The following MVB12B variants were observed in gnomAD, a reference collection of about 807,000 sequenced individuals.
The protein encoded by MVB12B is multivesicular body subunit 12B, also known as ESCRT-I complex subunit MVB12B.
MVB12B carries 16 observed loss-of-function variants against 41.6 expected under a neutral mutation model. The observed-to-expected ratio is 0.38, with a 90% CI of 0.26 to 0.58. The LOEUF is 0.58. Among genes scored for constraint, MVB12B ranks in the 20% least tolerant of loss-of-function variants. MVB12B has a pLI of 0.62. For synonymous variants in MVB12B, 133 were observed against 139.7 expected, an observed-to-expected ratio of 0.95 and a Z score of 0.34; for missense variants, 274 against 380.2, an observed-to-expected ratio of 0.72 and a Z score of 2.32.
intron 2 of MVB12B, among the ~76,000 whole-genome samples, chr9:126,361,757 AC>A (rs1357955325): frequency 6.6e-6 from 1 of 152,104 alleles, no homozygotes; most frequent in Non-Finnish European, 1.5e-5. Context: ...TGCTACAAAT[AC>A]AAAAAATTAG....
chr9:126,355,945 C>T (rs1203551466), intron 2 of MVB12B, among the ~76,000 whole-genome samples: 1 of 152,156 alleles, frequency 6.6e-6, no homozygotes, highest in Non-Finnish European at 1.5e-5. Flanking sequence ...GCTCCTCATT[C>T]TCCCTTCGCT....
At chr9:126,455,139 G>A (rs1375469940) in intron 7 of MVB12B, among the ~76,000 whole-genome samples, 2 of 152,126 alleles carry the variant, frequency 1.3e-5, no homozygotes, top group African/African-American at 2.4e-5. Flanking sequence ...AAGACCCTGC[G>A]AGCTGGCTAG....
chr9:126,457,081 C>T (rs1207282394), intron 7 of MVB12B, among the ~76,000 whole-genome samples: 1 of 152,198 alleles, frequency 6.6e-6, no homozygotes, highest in Non-Finnish European at 1.5e-5. Context: ...CTCATTTCCA[C>T]ATCGCATGTG....
chr9:126,500,843 C>T (rs1417626788), intron 9 of MVB12B, among the ~76,000 whole-genome samples: 5 of 152,240 alleles, frequency 3.3e-5, no homozygotes, highest in Non-Finnish European at 7.3e-5. Flanking sequence ...GTGAATGCCC[C>T]CTGCCCCGCG....
chr9:126,492,667 C>T (rs1833757203), intron 9 of MVB12B, among the ~76,000 whole-genome samples: 1 of 152,126 alleles, frequency 6.6e-6, no homozygotes, highest in Non-Finnish European at 1.5e-5. Flanking sequence ...CATAGCACCA[C>T]CCCATCGCTA....
At chr9:126,460,540 C>A (rs939837598) in intron 7 of MVB12B, among the ~76,000 whole-genome samples, 6 of 152,136 alleles carry the variant, frequency 3.9e-5, no homozygotes, top group East Asian at 1.9e-4. Context: ...CTTTCTCTAT[C>A]CCCTGTGTAG....
rs186480398 is a variant in MVB12B, at chr9:126,503,487, G to A, written c.*224G>A. 5.3e-4 allele frequency: 311 copies of A among 588,948 alleles called. 1 individual carries two copies. The highest frequency in any genetic ancestry group is 3.7e-3 in the African/African-American group (198 of 53,746). 36.5% of individuals were successfully genotyped at this position (588,948 alleles called of 1,614,324 possible). A position where few individuals can be genotyped will look rare whatever the true frequency, so the allele number is the denominator to read the frequency against. ...CATTGTTCATAACCATGACTAATCT[G>A]TGTGTGCTGTAGTGACCAGCGGCTC... On this transcript the variant is annotated 3_prime_UTR_variant, in exon 10 of 10. Transcript: ENST00000361171.
intron 2 of MVB12B, among the ~76,000 whole-genome samples, chr9:126,352,232 C>T (rs1829771885): frequency 6.6e-6 from 1 of 152,012 alleles, no homozygotes. Flanking sequence ...CTTGGTAATA[C>T]TAGATTCATA....
intron 6 of MVB12B, among the ~76,000 whole-genome samples, chr9:126,398,184 C>T (rs1316417252): frequency 1.3e-5 from 2 of 151,888 alleles, no homozygotes; most frequent in Admixed American, 6.6e-5. Flanking sequence ...TGGGCTGGGC[C>T]TGTGCTGGGT....
chr9:126,381,677 A>T (rs891882439), intron 3 of MVB12B, among the ~76,000 whole-genome samples: 12 of 147,498 alleles, frequency 8.1e-5, no homozygotes, highest in East Asian at 2.0e-4. Context: ...CTATGCTTTT[A>T]AAAAAAAAAA....
At position 126,480,589 on chromosome 9, in the gene MVB12B, C is replaced by T. The variant is rs946915628; in HGVS notation, c.758-780C>T. 2.6e-5 allele frequency among the ~76,000 whole-genome samples: 4 copies of T among 152,146 alleles called. No individual in the cohort carries two copies. Among genetic ancestry groups the T allele is most frequent in the Admixed American group, 6.5e-5 (1 of 15,278 alleles). On this transcript the variant is annotated intron_variant, in intron 7 of 9. Transcript: ENST00000361171. This position sits in a 1 kb window ranked among gnomAD's most constrained non-coding sequence, Gnocchi z 4.9. ...CAGGCCCCTGGTTTCTCCATCGTTG[C>T]GTCCCCGTTCCATGCCCTTTTTCTC...
chr9:126,451,878 C>T (rs182625179), intron 7 of MVB12B, among the ~76,000 whole-genome samples: 2 of 152,332 alleles, frequency 1.3e-5, no homozygotes, highest in African/African-American at 4.8e-5. Flanking sequence ...AGCCGTGTGA[C>T]TGATCCCAAG....
intron 1 of MVB12B, among the ~76,000 whole-genome samples, chr9:126,331,591 T>G (rs577266175): frequency 7.9e-5 from 12 of 152,346 alleles, no homozygotes; most frequent in Admixed American, 2.6e-4. Context: ...TTGATTGCCT[T>G]TTGCTGCAAA....
chr9:126,429,838 G>C (rs1420566677), intron 7 of MVB12B, among the ~76,000 whole-genome samples: 1 of 152,184 alleles, frequency 6.6e-6, no homozygotes, highest in Non-Finnish European at 1.5e-5. Flanking sequence ...TGCAGTGCGA[G>C]TGCCTCCTCC....
At chr9:126,341,557 C>G (rs765110353) in intron 2 of MVB12B, among the ~76,000 whole-genome samples, 1 of 152,234 alleles carries the variant, frequency 6.6e-6, no homozygotes, top group Non-Finnish European at 1.5e-5. Flanking sequence ...AGAATAGTCT[C>G]TGATGTCCTG....
chr9:126,347,218 G>T (rs541170705), intron 2 of MVB12B, among the ~76,000 whole-genome samples: 31 of 152,350 alleles, frequency 2.0e-4, no homozygotes, highest in Admixed American at 5.2e-4. Flanking sequence ...CAGTCTGAGA[G>T]GGGCACCGGG....
In MVB12B at chr9:126,505,503, GTAAA is replaced by G. The variant is rs1379070417; in HGVS notation, c.*2242_*2245del. The G allele has an allele frequency of 1.3e-5, 2 of 152,268 alleles. No individual in the cohort carries two copies. Among genetic ancestry groups the G allele is most frequent in the Non-Finnish European group, 2.9e-5 (2 of 68,058 alleles). The allele number at this position is 152,268 out of a possible 1,614,324, so 9.4% of individuals were successfully genotyped here. On this transcript the variant is annotated 3_prime_UTR_variant, in exon 10 of 10. Transcript: ENST00000361171. ...ATAGCATTACGGACTTAGCATAAGA[GTAAA>G]TGACTGTGAACGTTGTAGTAAACGG...
chr9:126,345,860 T>C (rs1276245540), intron 2 of MVB12B, among the ~76,000 whole-genome samples: 1 of 152,226 alleles, frequency 6.6e-6, no homozygotes, highest in African/African-American at 2.4e-5. Context: ...AAAATCCAGG[T>C]TACATAGCCC....
At position 126,478,160 on chromosome 9, in the gene MVB12B, A is replaced by T. The variant is rs1489465255; in HGVS notation, c.758-3209A>T. Among the ~76,000 whole-genome samples the T allele has an allele frequency of 2.6e-5, 4 of 152,218 alleles. No homozygotes were observed. The highest frequency in any genetic ancestry group is 9.6e-5 in the African/African-American group (4 of 41,456). On this transcript the variant is annotated intron_variant, in intron 7 of 9. Transcript: ENST00000361171. This position sits in a 1 kb window ranked among gnomAD's most constrained non-coding sequence, Gnocchi z 4.2. ...TTCACTTTAAAATGGTTAATTTTAT[A>T]TGAATTTTTTAAAACATTTCCCTCC... is the stretch of plus-strand genomic sequence containing the variant.
Sources: gnomAD v4.1 joint callset for allele counts (sites outside exome capture counted in the v4.1 genomes callset) on GRCh38, gnomAD v4.1.1 for gene constraint, Gnocchi (gnomAD v3.1) non-coding constraint, MANE v1.5 for transcripts, NCBI Gene and HGNC (gene_info 2026-07-23, HGNC 2026-07-21) for gene names.